Variants in AGAP1 observed in about 807,000 individuals in gnomAD.
AGAP1 encodes arf-GAP with GTPase, ANK repeat and PH domain-containing protein 1.
Under a neutral mutation model 105.3 loss-of-function variants are expected in AGAP1, and 29 were observed. That is an observed-to-expected ratio of 0.28 (90% CI 0.21 to 0.38). The LOEUF (loss-of-function observed/expected upper bound fraction) is 0.38, where lower values mean the gene tolerates loss of function less well. Among genes scored for constraint, AGAP1 ranks in the 10% least tolerant of loss-of-function variants. AGAP1 has a pLI of 1.00. For synonymous variants in AGAP1, 509 were observed against 485.9 expected (o/e 1.05, Z -0.63); for missense variants, 998 against 1,165.1 (o/e 0.86, Z 2.09).
Position 235,655,864 on chromosome 2 carries a change from G to A in AGAP1, c.164-53315G>A, listed in dbSNP as rs529996527. Among the ~76,000 whole-genome samples, 11 of 152,316 alleles carry A rather than the reference G, an allele frequency of 7.2e-5. No individual in the cohort carries two copies. The highest frequency in any genetic ancestry group is 1.2e-4 in the African/African-American group (5 of 41,562). ...GTGAGGCACCATCCTGGATGCTGGG[G>A]AAGAATCTTTGTTGGAATATGACCC... On this transcript the variant is annotated intron_variant, in intron 1 of 17. Transcript: ENST00000304032. The surrounding 1 kb of genome is among the most constrained non-coding windows in gnomAD (Gnocchi z 4.3).
In AGAP1 at chr2:236,003,380, G is replaced by A. The variant is rs1336660155; in HGVS notation, c.1646-33181G>A. On this transcript the variant is annotated intron_variant, in intron 13 of 17. Transcript: ENST00000304032. The surrounding 1 kb of genome is among the most constrained non-coding windows in gnomAD (Gnocchi z 4.2). ...TCTTTTCATGGGTCTTTGTCCTTTGGAGGGCCTTGACCTCACGCAGCAGGG... is the reference window on the plus strand; with the variant it reads ...TCTTTTCATGGGTCTTTGTCCTTTGAAGGGCCTTGACCTCACGCAGCAGGG... Among the ~76,000 whole-genome samples, 1 of 152,094 alleles carries A rather than the reference G, an allele frequency of 6.6e-6. No homozygotes were observed. The highest frequency in any genetic ancestry group is 2.4e-5 in the African/African-American group (1 of 41,428).
At chr2:235,547,144 G>T (rs1943650972) in intron 1 of AGAP1, among the ~76,000 whole-genome samples, 1 of 152,144 alleles carries the variant, frequency 6.6e-6, no homozygotes, top group Admixed American at 6.5e-5. Flanking sequence ...ACACAGACCA[G>T]GGAGGTGACG....
In AGAP1 at chr2:235,602,653, C is replaced by T. The variant is rs1023994175; in HGVS notation, c.164-106526C>T. On this transcript the variant is annotated intron_variant, in intron 1 of 17. Transcript: ENST00000304032. ...GCATGTTTCCTCCACCTCCACAGTTCCTCTTATCCTGTTTCCATTTTCCTT... is the reference window on the plus strand; with the variant it reads ...GCATGTTTCCTCCACCTCCACAGTTTCTCTTATCCTGTTTCCATTTTCCTT... Among the ~76,000 whole-genome samples the T allele has an allele frequency of 3.3e-5, 5 of 152,290 alleles. 1 individual carries two copies. In the South Asian group the frequency reaches 8.3e-4, roughly 25 times the overall value.
chr2:235,629,000 CG>C, intron 1 of AGAP1, among the ~76,000 whole-genome samples: 1 of 152,074 alleles, frequency 6.6e-6, no homozygotes, highest in African/African-American at 2.4e-5. Context: ...TTAGTAGAGA[CG>C]GGGTTTCACC....
Position 235,934,228 on chromosome 2 carries a change from C to T in AGAP1, c.1483+3305C>T, listed in dbSNP as rs1018829756. Reference sequence around the variant, plus strand: ...CCAGGCAACCTGTGTATAGCAAGCCCTCTGGGATCACATGGCATGCTGAAG... The same window carrying T: ...CCAGGCAACCTGTGTATAGCAAGCCTTCTGGGATCACATGGCATGCTGAAG... On this transcript the variant is annotated intron_variant, in intron 12 of 17. Transcript: ENST00000304032. This position sits in a 1 kb window ranked among gnomAD's most constrained non-coding sequence, Gnocchi z 4.9. Among the ~76,000 whole-genome samples the T allele has an allele frequency of 2.0e-5, 3 of 152,188 alleles. No homozygotes were observed. The highest frequency in any genetic ancestry group is 2.0e-4 in the Admixed American group (3 of 15,292).
In AGAP1 at chr2:235,591,718, C is replaced by T. The variant is rs185085113; in HGVS notation, c.163+96869C>T. 5.0e-3 allele frequency among the ~76,000 whole-genome samples: 759 copies of T among 152,292 alleles called. 5 individuals carry two copies. Among genetic ancestry groups the T allele is most frequent in the Non-Finnish European group, 8.9e-3 (606 of 68,026 alleles). ...CTTCATGAATGTCTAGCACCATCCC[C>T]TTGGCGATGAGTGAATTCTTGCTCT... On this transcript the variant is annotated intron_variant, in intron 1 of 17. Coordinates refer to ENST00000304032, the MANE Select transcript of AGAP1 (RefSeq NM_001037131.3).
chr2:236,098,927 C>T (rs1176858000), intron 16 of AGAP1, among the ~76,000 whole-genome samples: 9 of 151,838 alleles, frequency 5.9e-5, no homozygotes, highest in Non-Finnish European at 1.2e-4. Flanking sequence ...CCCTAAAAGC[C>T]CTTTCTAAAG....
At chr2:235,881,023 A>G (rs1370454201) in intron 9 of AGAP1, among the ~76,000 whole-genome samples, 1 of 152,218 alleles carries the variant, frequency 6.6e-6, no homozygotes. Flanking sequence ...AAATCAAGGT[A>G]TGCCACATTT....
chr2:235,804,512 C>A (rs570974503), intron 8 of AGAP1, among the ~76,000 whole-genome samples: 1 of 152,164 alleles, frequency 6.6e-6, no homozygotes, highest in African/African-American at 2.4e-5. Context: ...TTCCAGCAGC[C>A]GTTGACTTAG....
intron 6 of AGAP1, among the ~76,000 whole-genome samples, chr2:235,790,516 A>G (rs1177839433): frequency 6.6e-6 from 1 of 152,100 alleles, no homozygotes; most frequent in East Asian, 1.9e-4. Flanking sequence ...AATGACCTGT[A>G]TCTTCTAACC....
In AGAP1 at chr2:236,119,677, G is replaced by T. The variant is rs574846581; in HGVS notation, c.2115-515G>T. On this transcript the variant is annotated intron_variant, in intron 16 of 17. Transcript: ENST00000304032. This position sits in a 1 kb window ranked among gnomAD's most constrained non-coding sequence, Gnocchi z 6.6. ...CGGCCCCAGAGACCATGCTTCCATC[G>T]TGCGGTCCGTGCTCTCGGCCCCGGA... is the stretch of plus-strand genomic sequence containing the variant. Among the ~76,000 whole-genome samples the T allele has an allele frequency of 9.3e-5, 14 of 150,418 alleles. No homozygotes were observed. Among genetic ancestry groups the T allele is most frequent in the Non-Finnish European group, 1.3e-4 (9 of 67,880 alleles).
chr2:235,760,525 A>C (rs921239238), intron 6 of AGAP1, among the ~76,000 whole-genome samples: 1 of 152,240 alleles, frequency 6.6e-6, no homozygotes, highest in Non-Finnish European at 1.5e-5. Flanking sequence ...TATTATTTCA[A>C]TTATTTCATC....
chr2:236,030,980 A>G (rs1017183469), intron 13 of AGAP1, among the ~76,000 whole-genome samples: 1 of 152,226 alleles, frequency 6.6e-6, no homozygotes, highest in African/African-American at 2.4e-5. Context: ...TTTTATGATT[A>G]GAATAGCATT....
At position 235,752,468 on chromosome 2, in the gene AGAP1, C is replaced by T. The variant is rs562982463; in HGVS notation, c.673+1980C>T. On this transcript the variant is annotated intron_variant, in intron 6 of 17. Transcript: ENST00000304032. This position sits in a 1 kb window ranked among gnomAD's most constrained non-coding sequence, Gnocchi z 4.3. Reference sequence around the variant, plus strand: ...TGCTAGGATTATAGGCATGAGCCACCGCGCCTGGCTGTAAATAGACTTTTC... The same window carrying T: ...TGCTAGGATTATAGGCATGAGCCACTGCGCCTGGCTGTAAATAGACTTTTC... Among the ~76,000 whole-genome samples, 1 of 152,212 alleles carries T rather than the reference C, an allele frequency of 6.6e-6. No homozygotes were observed. Among genetic ancestry groups the T allele is most frequent in the South Asian group, 2.1e-4 (1 of 4,822 alleles).
At chr2:235,687,502 C>T (rs748507590) in intron 1 of AGAP1, among the ~76,000 whole-genome samples, 4 of 152,146 alleles carry the variant, frequency 2.6e-5, no homozygotes, top group African/African-American at 9.7e-5. Context: ...AGCCCTTCAT[C>T]GTAGATACCA....
At chr2:235,520,843 A>G (rs1942585636) in intron 1 of AGAP1, among the ~76,000 whole-genome samples, 1 of 152,142 alleles carries the variant, frequency 6.6e-6, no homozygotes, top group East Asian at 1.9e-4. Context: ...CTCTGGATTA[A>G]ATGTACATGG....
At chr2:236,117,916 A>G (rs1275358685) in intron 16 of AGAP1, among the ~76,000 whole-genome samples, 1 of 152,000 alleles carries the variant, frequency 6.6e-6, no homozygotes, top group African/African-American at 2.4e-5. Context: ...CCTCCGCTGC[A>G]TTTGTGGGGG....
At chr2:235,804,686 A>G (rs1487535261) in intron 8 of AGAP1, among the ~76,000 whole-genome samples, 6 of 152,192 alleles carry the variant, frequency 3.9e-5, no homozygotes, top group African/African-American at 1.4e-4. Context: ...AGCAGGTGAT[A>G]ATTGGATTAC....
chr2:236,102,983 C>T (rs193154984), intron 16 of AGAP1, among the ~76,000 whole-genome samples: 22 of 147,828 alleles, frequency 1.5e-4, no homozygotes, highest in African/African-American at 5.5e-4. Context: ...CTCTGCCTAT[C>T]CCCTCCCCTC....
Sources: gnomAD v4.1 joint callset for allele counts (sites outside exome capture counted in the v4.1 genomes callset) on GRCh38, gnomAD v4.1.1 for gene constraint, Gnocchi (gnomAD v3.1) non-coding constraint, MANE v1.5 for transcripts, NCBI Gene and HGNC (gene_info 2026-07-23, HGNC 2026-07-21) for gene names.